Variants in EIF4B observed in about 807,000 individuals in gnomAD.
EIF4B encodes eukaryotic translation initiation factor 4B.
Under a neutral mutation model 79.3 loss-of-function variants are expected in EIF4B, and 8 were observed. The ratio of observed to expected loss-of-function variants is 0.10; its 90% CI spans 0.06 to 0.18. EIF4B has a LOEUF of 0.18. Ranked by LOEUF, EIF4B falls within the 10% of genes least tolerant of loss-of-function variation. EIF4B has a pLI of 1.00. For synonymous variants in EIF4B, 238 were observed against 274.7 expected, an observed-to-expected ratio of 0.87 and a Z score of 1.32; for missense variants, 515 against 792.4, an observed-to-expected ratio of 0.65 and a Z score of 4.20.
At chr12:53,038,243 G>A in intron 11 of EIF4B, 113 bp from the exon 12 acceptor site, 1 of 818,432 alleles carries the variant, frequency 1.2e-6, no homozygotes, top group Non-Finnish European at 1.9e-6. Context: ...ATAACATTGA[G>A]TATGATTTTG....
chr12:53,014,048 G>A (rs1943109180), intron 1 of EIF4B: 1 of 152,042 alleles, frequency 6.6e-6, no homozygotes, highest in South Asian at 2.1e-4. Context: ...TATAGTCCCA[G>A]CTACTCAAGA....
intron 8 of EIF4B, among the ~76,000 whole-genome samples, chr12:53,029,743 C>T (rs1163904308): frequency 6.6e-6 from 1 of 152,118 alleles, no homozygotes; most frequent in Non-Finnish European, 1.5e-5. Flanking sequence ...TATCCATCAT[C>T]TCCTGTGATT....
intron 10 of EIF4B, among the ~76,000 whole-genome samples, chr12:53,035,457 C>T (rs1943525081): frequency 6.6e-6 from 1 of 151,888 alleles, no homozygotes; most frequent in African/African-American, 2.4e-5. Context: ...CAAGTTCTGC[C>T]TCCCGGGTTC....
At chr12:53,030,419 T>TTTTTTTG (rs1943417851) in intron 8 of EIF4B, among the ~76,000 whole-genome samples, 1 of 65,850 alleles carries the variant, frequency 1.5e-5, no homozygotes, top group African/African-American at 6.5e-5. Context: ...TATTCTTTTT[T>TTTTTTTG]TTTTTTTTTT....
In EIF4B at chr12:53,037,669, T is replaced by TA. The variant is rs575840674; in HGVS notation, c.1520+48dup. The TA allele has an allele frequency of 1.8e-3, 2,810 of 1,591,114 alleles. 7 individuals carry two copies. The highest frequency in any genetic ancestry group is 2.1e-3 in the Non-Finnish European group (2,411 of 1,160,730). Reference sequence around the variant, plus strand: ...AGTTGGTTAACTGCAGATTCTAAAATACTGTGATGTAATGATGGAAGATCT... The same window carrying TA: ...AGTTGGTTAACTGCAGATTCTAAAATAACTGTGATGTAATGATGGAAGATCT... On this transcript the variant is annotated intron_variant, in intron 11 of 14. Transcript: ENST00000262056.
intron 1 of EIF4B, among the ~76,000 whole-genome samples, chr12:53,007,716 A>G (rs1391489792): frequency 6.6e-6 from 1 of 152,186 alleles, no homozygotes; most frequent in Non-Finnish European, 1.5e-5. Flanking sequence ...TTTCTTACCT[A>G]GTAATTCATC....
chr12:53,006,834 C>T (rs937168963), intron 1 of EIF4B, among the ~76,000 whole-genome samples: 5 of 151,584 alleles, frequency 3.3e-5, no homozygotes, highest in Non-Finnish European at 7.4e-5. Flanking sequence ...ACCGTGCCCG[C>T]GTGAAGGCGT....
chr12:53,016,100 T>C (rs1413062977), intron 1 of EIF4B, among the ~76,000 whole-genome samples: 1 of 152,196 alleles, frequency 6.6e-6, no homozygotes, highest in Non-Finnish European at 1.5e-5. Flanking sequence ...TTTATTGATC[T>C]TTTTTATCCA....
intron 10 of EIF4B, 49 bp from the exon 11 acceptor site, chr12:53,037,360 G>A (rs747035454): frequency 6.4e-6 from 10 of 1,564,764 alleles, no homozygotes; most frequent in African/African-American, 4.1e-5. Flanking sequence ...TGGTAGATGC[G>A]TGAGCATCTG....
At chr12:53,039,837 A>C in intron 14 of EIF4B, 135 bp downstream of exon 14, 1 of 1,019,826 alleles carries the variant, frequency 9.8e-7, no homozygotes, top group Non-Finnish European at 1.4e-6. Context: ...TGGAATACAA[A>C]GTGTTTGGAA....
Position 53,040,484 on chromosome 12 carries a change from C to T in EIF4B, c.*261C>T, listed in dbSNP as rs1483169817. 1.6e-5 allele frequency: 6 copies of T among 366,664 alleles called. No individual in the cohort carries two copies. Among genetic ancestry groups the T allele is most frequent in the Admixed American group, 4.1e-5 (1 of 24,524 alleles). The allele number at this position is 366,664 out of a possible 1,614,324, so 22.7% of individuals were successfully genotyped here. A position where few individuals can be genotyped will look rare whatever the true frequency, so the allele number is the denominator to read the frequency against. On this transcript the variant is annotated 3_prime_UTR_variant, in exon 15 of 15. Coordinates refer to ENST00000262056, the MANE Select transcript of EIF4B (RefSeq NM_001417.7). ...GAGGAAAAGTTGTGGTGCGTTATGT[C>T]ACCATGCAGTTGCCAGTGTGATTAG...
chr12:53,019,953 G>A lies in EIF4B; in HGVS notation c.404G>A (p.Arg135Lys). 1 of 1,613,036 alleles carries A rather than the reference G, an allele frequency of 6.2e-7. No homozygotes were observed. Among genetic ancestry groups the A allele is most frequent in the Non-Finnish European group, 8.5e-7 (1 of 1,179,696 alleles). The change falls in exon 4 of 15, where the codon AGG becomes AAG. Residue 135 changes from arginine to lysine, a missense_variant. This residue lies in a region of EIF4B where 105 missense variants were observed against 177.2 expected (regional missense o/e 0.59). Transcript: ENST00000262056. ...RLPREPSNPERLKGFGYAEFE... is the reference protein window; with the variant it reads ...RLPREPSNPEKLKGFGYAEFE... ...CCACGTGAACCCAGCAATCCAGAGA[G>A]GTTGAAAGGTTTTGGTTATGCTGAA...
Position 53,027,847 on chromosome 12 carries a change from C to T in EIF4B, c.733C>T (p.Pro245Ser). ...DGYRDGYRDG[P>S]RRDMDRYGGR... is the part of the protein sequence containing the mutation. Reference sequence around the variant, plus strand: ...GTATCGGGATGGGTATCGGGATGGCCCACGCCGGGATATGGATCGATATGG... The same window carrying T: ...GTATCGGGATGGGTATCGGGATGGCTCACGCCGGGATATGGATCGATATGG... Residue 245 changes from proline (P) to serine (S), a missense_variant, in exon 7 of 15, where the codon CCA becomes TCA. Around this residue, in one of 6 missense-constraint regions of EIF4B, gnomAD observed 187 missense variants for 256.5 expected, o/e 0.73. Coordinates refer to ENST00000262056, the MANE Select transcript of EIF4B (RefSeq NM_001417.7). 1 of 1,614,166 alleles carries T rather than the reference C, an allele frequency of 6.2e-7. No individual in the cohort carries two copies. The highest frequency in any genetic ancestry group is 8.5e-7 in the Non-Finnish European group (1 of 1,180,034).
intron 3 of EIF4B, 79 bp downstream of exon 3, chr12:53,019,085 C>T: frequency 6.7e-7 from 1 of 1,488,806 alleles, no homozygotes; most frequent in Non-Finnish European, 9.2e-7. Context: ...TGGGCAGTTG[C>T]TGTTGAAAAA....
chr12:53,015,700 G>A (rs993327698), intron 1 of EIF4B, among the ~76,000 whole-genome samples: 2 of 146,698 alleles, frequency 1.4e-5, no homozygotes, highest in South Asian at 2.2e-4. Context: ...AAATGGGGCC[G>A]GGTGTGGCGG....
rs753962081 is a variant in EIF4B, at chr12:53,039,275, C to T, written c.1614C>T (p.Gly538=). The T allele has an allele frequency of 5.0e-6, 8 of 1,610,762 alleles. No homozygotes were observed. The highest frequency in any genetic ancestry group is 1.7e-5 in the Admixed American group (1 of 59,594). Reference sequence around the variant, plus strand: ...TAGATGGGATGAATGCCCCAAAAGGCCAAACTGGGAACTCTAGCCGTGGTC... The same window carrying T: ...TAGATGGGATGAATGCCCCAAAAGGTCAAACTGGGAACTCTAGCCGTGGTC... The part of the protein sequence containing the change: ...NKVDGMNAPK[G]QTGNSSRGPG... Residue 538 remains glycine, a synonymous_variant, in exon 13 of 15, where the codon GGC becomes GGT. Transcript: ENST00000262056.
At chr12:53,008,715 A>C (rs1422140053) in intron 1 of EIF4B, 1 of 152,180 alleles carries the variant, frequency 6.6e-6, no homozygotes, top group Non-Finnish European at 1.5e-5. Flanking sequence ...GAGCCAGTAC[A>C]CTTAATTCCT....
At position 53,017,067 on chromosome 12, in the gene EIF4B, A is replaced by G. The variant is rs537958253; in HGVS notation, c.151+457A>G. 2.1e-4 allele frequency among the ~76,000 whole-genome samples: 32 copies of G among 152,252 alleles called. 1 individual carries two copies. The South Asian group carries it at 4.6e-3, about 22-fold the overall frequency. On this transcript the variant is annotated intron_variant, in intron 2 of 14. Transcript: ENST00000262056. ...GAGAAGTTCAAGACCAGCCTGGCCA[A>G]CATGGTGAAAACCCATCTCTACTAA... is the stretch of plus-strand genomic sequence containing the variant.
intron 3 of EIF4B, among the ~76,000 whole-genome samples, chr12:53,019,437 A>ATATATTTTTTTTCTTTT (rs1943205076): frequency 3.9e-5 from 2 of 51,022 alleles, no homozygotes; most frequent in East Asian, 1.3e-3. Context: ...ATATATATAT[A>ATATATTTTTTTTCTTTT]TTTTTTTTTT....
Sources: gnomAD v4.1 joint callset for allele counts (sites outside exome capture counted in the v4.1 genomes callset) on GRCh38, gnomAD v4.1.1 for gene constraint, gnomAD v4.1.1 regional missense constraint, MANE v1.5 for transcripts, NCBI Gene and HGNC (gene_info 2026-07-23, HGNC 2026-07-21) for gene names.